The following STK24 variants were observed in gnomAD, a reference collection of about 807,000 sequenced individuals.
STK24 encodes serine/threonine-protein kinase 24.
In STK24, 21 loss-of-function variants were observed where a neutral mutation model predicts 55.6. That is an observed-to-expected ratio of 0.38 (90% confidence interval 0.27 to 0.54). STK24 has a LOEUF of 0.54. Ranked by LOEUF, STK24 falls within the 20% of genes least tolerant of loss-of-function variation. The probability of loss-of-function intolerance (pLI) is 0.79; values close to 1 mark genes in which losing one functional copy is unlikely to be tolerated. For synonymous variants in STK24, 200 were observed against 215.2 expected, an observed-to-expected ratio of 0.93 and a Z score of 0.62; for missense variants, 383 against 538.4, an observed-to-expected ratio of 0.71 and a Z score of 2.86.
chr13:98,548,183 A>G (rs1897073595), intron 1 of STK24, among the ~76,000 whole-genome samples: 1 of 152,184 alleles, frequency 6.6e-6, no homozygotes, highest in Admixed American at 6.5e-5. Context: ...AAATGCATAC[A>G]TATTATAGTT....
At chr13:98,476,243 C>CT (rs1008159556) in intron 3 of STK24, among the ~76,000 whole-genome samples, 1 of 140,776 alleles carries the variant, frequency 7.1e-6, no homozygotes. Context: ...ACGGGAAGCC[C>CT]CCCCCCGCCC....
At chr13:98,460,666 A>C (rs1162088995) in intron 8 of STK24, among the ~76,000 whole-genome samples, 2 of 152,134 alleles carry the variant, frequency 1.3e-5, no homozygotes, top group Admixed American at 1.3e-4. Context: ...GCACCGGGGA[A>C]ACCAGCATCT....
chr13:98,500,919 T>C (rs1895431608), intron 2 of STK24, among the ~76,000 whole-genome samples: 1 of 152,080 alleles, frequency 6.6e-6, no homozygotes, highest in African/African-American at 2.4e-5. Context: ...CACACCTCAA[T>C]GTTCTTAAGT....
intron 2 of STK24, among the ~76,000 whole-genome samples, chr13:98,514,088 A>G (rs1404386148): frequency 6.6e-6 from 1 of 152,244 alleles, no homozygotes; most frequent in East Asian, 1.9e-4. Flanking sequence ...AATATGGGCA[A>G]GGCTGAGAAT....
rs1275909478 is a variant in STK24, at chr13:98,445,977, G to A, written c.*7196C>T. 3 of 656,972 alleles carry A rather than the reference G, an allele frequency of 4.6e-6. No individual in the cohort carries two copies. The highest frequency in any genetic ancestry group is 8.1e-6 in the Non-Finnish European group (3 of 371,498). 40.7% of individuals were successfully genotyped at this position (656,972 alleles called of 1,614,324 possible). A position where few individuals can be genotyped will look rare whatever the true frequency, so the allele number is the denominator to read the frequency against. ...CCACACACGGGGGAGCGGGGGTGGG[G>A]CCCACATCCTTCAGTCACGGACATG... is the stretch of plus-strand genomic sequence containing the variant. On this transcript the variant is annotated 3_prime_UTR_variant, in exon 11 of 11. Coordinates refer to ENST00000539966, the MANE Select transcript of STK24 (RefSeq NM_001032296.4).
intron 9 of STK24, 53 bp from the exon 10 acceptor site, chr13:98,457,357 G>A: frequency 6.2e-7 from 1 of 1,612,004 alleles, no homozygotes; most frequent in Non-Finnish European, 8.5e-7. Flanking sequence ...CTGCAAAACT[G>A]GGAAGCATGC....
chr13:98,446,908 GCCCCA>G lies in STK24; in HGVS notation c.*6260_*6264del. On this transcript the variant is annotated 3_prime_UTR_variant, in exon 11 of 11. Coordinates refer to ENST00000539966, the MANE Select transcript of STK24 (RefSeq NM_001032296.4). Reference sequence around the variant, plus strand: ...TTCTCCCAAGTCAGCGAGTGAGATGGCCCCACCCTTCCCTGCCAACTAAGCGTTTA... The same window carrying G: ...TTCTCCCAAGTCAGCGAGTGAGATGGCCCTTCCCTGCCAACTAAGCGTTTA... 1 of 1,376,612 alleles carries G rather than the reference GCCCCA, an allele frequency of 7.3e-7. No individual in the cohort carries two copies. The highest frequency in any genetic ancestry group is 1.0e-6 in the Non-Finnish European group (1 of 983,918). 85.3% of individuals were successfully genotyped at this position (1,376,612 alleles called of 1,614,324 possible). A position where few individuals can be genotyped will look rare whatever the true frequency, so the allele number is the denominator to read the frequency against.
intron 3 of STK24, among the ~76,000 whole-genome samples, chr13:98,475,669 G>A (rs1358026023): frequency 6.6e-6 from 1 of 152,216 alleles, no homozygotes. Context: ...GCCATGGCAG[G>A]GGCGGGGCGC....
At chr13:98,518,539 CAG>C (rs1274759937) in intron 2 of STK24, among the ~76,000 whole-genome samples, 2 of 152,150 alleles carry the variant, frequency 1.3e-5, no homozygotes, top group Non-Finnish European at 2.9e-5. Flanking sequence ...TTCAGTGAAA[CAG>C]GTATATTTTG....
intron 1 of STK24, among the ~76,000 whole-genome samples, chr13:98,530,257 A>C (rs1413100205): frequency 6.6e-6 from 1 of 152,172 alleles, no homozygotes; most frequent in Admixed American, 6.5e-5. Context: ...AACTTAATTG[A>C]ATCTAAGAGA....
intron 1 of STK24, among the ~76,000 whole-genome samples, chr13:98,560,184 T>A (rs191670248): frequency 7.3e-4 from 111 of 152,170 alleles, no homozygotes; most frequent in Non-Finnish European, 1.3e-3. Flanking sequence ...GGCAGACACC[T>A]CCCCTCGACG....
chr13:98,466,291 G>T, intron 6 of STK24, 85 bp downstream of exon 6: 1 of 1,317,840 alleles, frequency 7.6e-7, no homozygotes, highest in Non-Finnish European at 1.0e-6. Context: ...GCTGAAAAGA[G>T]TGATTAAAGC....
chr13:98,496,552 C>T (rs1389281748), intron 2 of STK24, among the ~76,000 whole-genome samples: 5 of 152,196 alleles, frequency 3.3e-5, no homozygotes, highest in African/African-American at 7.2e-5. Context: ...GTAAGGGCTC[C>T]TCTGGGTGTG....
rs140605712 is a variant in STK24, at chr13:98,553,489, A to G, written c.42+23256T>C. On this transcript the variant is annotated intron_variant, in intron 1 of 10. Coordinates refer to ENST00000539966, the MANE Select transcript of STK24 (RefSeq NM_001032296.4). ...CCTACATCCCTCCACCAAGGAACGA[A>G]AAAGTAGCTCAAGGATTCCAGGCAC... The G allele has an allele frequency of 2.9e-3, 489 of 169,606 alleles. 2 individuals carry two copies. Among genetic ancestry groups the G allele is most frequent in the African/African-American group, 0.011 (450 of 41,790 alleles). 10.5% of individuals were successfully genotyped at this position (169,606 alleles called of 1,614,324 possible). A position where few individuals can be genotyped will look rare whatever the true frequency, so the allele number is the denominator to read the frequency against.
chr13:98,518,544 A>G (rs1043185895), intron 2 of STK24, among the ~76,000 whole-genome samples: 1 of 152,242 alleles, frequency 6.6e-6, no homozygotes, highest in Non-Finnish European at 1.5e-5. Context: ...TGAAACAGGT[A>G]TATTTTGAGG....
In STK24 at chr13:98,474,837, G is replaced by A. The variant is rs1566355038; in HGVS notation, c.581C>T (p.Ser194Leu). ...TCCCCTCACCTTCGAGTCATAGGCC[G>A]ACTGTTTGATGACCTCGGGTGCCAT... The part of the protein sequence containing the change: ...FWMAPEVIKQ[S>L]AYDSKADIWS... The change falls in exon 5 of 11, where the codon TCG becomes TTG. Residue 194 changes from serine (S) to leucine (L), a missense_variant. Ser to Leu is a moderately radical substitution (Grantham distance 145, BLOSUM62 -2). Coordinates refer to ENST00000539966, the MANE Select transcript of STK24 (RefSeq NM_001032296.4). 1.2e-6 allele frequency: 2 copies of A among 1,612,642 alleles called. No homozygotes were observed. Among genetic ancestry groups the A allele is most frequent in the Non-Finnish European group, 1.7e-6 (2 of 1,179,206 alleles).
At chr13:98,502,171 G>C (rs1187402621) in intron 2 of STK24, among the ~76,000 whole-genome samples, 1 of 152,116 alleles carries the variant, frequency 6.6e-6, no homozygotes, top group Non-Finnish European at 1.5e-5. Flanking sequence ...ACTTACTCAG[G>C]GTGACATCTG....
intron 2 of STK24, among the ~76,000 whole-genome samples, chr13:98,488,388 C>T (rs533532184): frequency 6.6e-6 from 1 of 152,344 alleles, no homozygotes; most frequent in South Asian, 2.1e-4. Flanking sequence ...GTTATTCATT[C>T]ATACACAAAG....
At chr13:98,536,760 C>T (rs1245408612) in intron 1 of STK24, among the ~76,000 whole-genome samples, 2 of 152,152 alleles carry the variant, frequency 1.3e-5, no homozygotes, top group Non-Finnish European at 2.9e-5. Context: ...CTGCCCTGAC[C>T]TCTCAGAACG....
Sources: allele counts gnomAD v4.1 joint callset (sites outside exome capture counted in the v4.1 genomes callset), GRCh38; gene constraint gnomAD v4.1.1; transcripts MANE v1.5; gene names NCBI Gene and HGNC (gene_info 2026-07-23, HGNC 2026-07-21).